PSMC1: variants seen among roughly 807,000 people sequenced by gnomAD.
PSMC1 encodes 26S proteasome regulatory subunit 4.
Under a neutral mutation model 49.8 loss-of-function variants are expected in PSMC1, and 5 were observed. The observed-to-expected ratio is 0.10, with a 90% CI of 0.05 to 0.21. PSMC1 has a LOEUF of 0.21. Among genes scored for constraint, PSMC1 ranks in the 10% least tolerant of loss-of-function variants. The pLI is 1.00. For synonymous variants in PSMC1, 155 were observed against 192.1 expected (o/e 0.81, Z 1.60); for missense variants, 181 against 535.7 (o/e 0.34, Z 6.54).
In PSMC1 at chr14:90,273,923, GA is replaced by G. The variant is rs1891732380; in HGVS notation, c.*1517del. On this transcript the variant is annotated 3_prime_UTR_variant, in exon 11 of 11. Transcript: ENST00000261303. ...CTTTTCTATTCTTATGGATCCTTGTGATTGCATTGGACCCATGCAGATGATC... is the reference window on the plus strand; with the variant it reads ...CTTTTCTATTCTTATGGATCCTTGTGTTGCATTGGACCCATGCAGATGATC... 6.5e-6 allele frequency: 1 copy of G among 154,836 alleles called. No homozygotes were observed. The highest frequency in any genetic ancestry group is 1.5e-5 in the Non-Finnish European group (1 of 68,226). 9.6% of individuals were successfully genotyped at this position (154,836 alleles called of 1,614,324 possible). A position where few individuals can be genotyped will look rare whatever the true frequency, so the allele number is the denominator to read the frequency against.
At chr14:90,269,986 G>A (rs1595046068) in intron 9 of PSMC1, 1 of 548,360 alleles carries the variant, frequency 1.8e-6, no homozygotes, top group Non-Finnish European at 3.2e-6. Flanking sequence ...AGGTACCAAA[G>A]CAGAGAGAGT....
intron 3 of PSMC1, among the ~76,000 whole-genome samples, chr14:90,262,674 T>C (rs7159306): frequency 0.55 from 83,181 of 151,258 alleles, 23,481 homozygotes; most frequent in Middle Eastern, 0.72. Context: ...ATTCCAACTA[T>C]TCGGGAGGCT....
At chr14:90,259,768 C>A (rs1226850872) in intron 2 of PSMC1, among the ~76,000 whole-genome samples, 3 of 151,962 alleles carry the variant, frequency 2.0e-5, no homozygotes, top group African/African-American at 4.8e-5. Flanking sequence ...ATTACAGGTG[C>A]CTGCCACCAC....
chr14:90,264,766 A>G (rs1211747174), intron 6 of PSMC1, among the ~76,000 whole-genome samples: 1 of 152,208 alleles, frequency 6.6e-6, no homozygotes, highest in Admixed American at 6.5e-5. Context: ...GTTTAATTGA[A>G]AAGGGTCAAC....
At chr14:90,265,563 C>A (rs1304447494) in intron 7 of PSMC1, among the ~76,000 whole-genome samples, 1 of 151,850 alleles carries the variant, frequency 6.6e-6, no homozygotes, top group East Asian at 1.9e-4. Context: ...GTGACGTGCG[C>A]CTGTAGTCCC....
chr14:90,274,407 CAG>C lies in PSMC1; in HGVS notation c.*2001_*2002del, dbSNP rs1365530208. 2 of 153,884 alleles carry C rather than the reference CAG, an allele frequency of 1.3e-5. No individual in the cohort carries two copies. Among genetic ancestry groups the C allele is most frequent in the Non-Finnish European group, 2.9e-5 (2 of 68,184 alleles). 9.5% of individuals were successfully genotyped at this position (153,884 alleles called of 1,614,324 possible). On this transcript the variant is annotated 3_prime_UTR_variant, in exon 11 of 11. Coordinates refer to ENST00000261303, the MANE Select transcript of PSMC1 (RefSeq NM_002802.3). Reference sequence around the variant, plus strand: ...GAGGCAGTCAGGCAGGTAAACAGGACAGTGGGAGCCAGGTTTCTCTGAGGAGT... The same window carrying C: ...GAGGCAGTCAGGCAGGTAAACAGGACTGGGAGCCAGGTTTCTCTGAGGAGT...
intron 1 of PSMC1, among the ~76,000 whole-genome samples, chr14:90,258,890 A>G (rs1891345392): frequency 6.6e-6 from 1 of 152,224 alleles, no homozygotes; most frequent in Non-Finnish European, 1.5e-5. Flanking sequence ...AGTTGTATCT[A>G]CTTCTCAATA....
Position 90,274,087 on chromosome 14 carries a change from G to C in PSMC1, c.*1680G>C, listed in dbSNP as rs1202573422. On this transcript the variant is annotated 3_prime_UTR_variant, in exon 11 of 11. Transcript: ENST00000261303. Reference sequence around the variant, plus strand: ...GGGCGCCACTCTGCCTACCACAGAGGACATCCACACGTGGGGGTGGCCCAG... The same window carrying C: ...GGGCGCCACTCTGCCTACCACAGAGCACATCCACACGTGGGGGTGGCCCAG... 1 of 154,860 alleles carries C rather than the reference G, an allele frequency of 6.5e-6. No homozygotes were observed. The highest frequency in any genetic ancestry group is 2.4e-5 in the African/African-American group (1 of 41,386). 9.6% of individuals were successfully genotyped at this position (154,860 alleles called of 1,614,324 possible).
chr14:90,260,000 A>G (rs1003137706), intron 2 of PSMC1, 115 bp from the exon 3 acceptor site: 8 of 605,944 alleles, frequency 1.3e-5, no homozygotes, highest in Non-Finnish European at 2.2e-5. Context: ...ATAACATCCT[A>G]AAAGATAAGG....
chr14:90,265,044 C>T (rs1386158027), intron 6 of PSMC1, 26 bp from the exon 7 acceptor site: 1 of 1,504,178 alleles, frequency 6.6e-7, no homozygotes, highest in African/African-American at 1.4e-5. Context: ...TTCAGTAAAG[C>T]CTTTCATTCA....
rs2064677132 is a variant in PSMC1, at chr14:90,270,292, T to C, written c.1128T>C (p.Asp376=). Residue 376 remains aspartate (D), a synonymous_variant, in exon 10 of 11, where the codon GAT becomes GAC. Coordinates refer to ENST00000261303, the MANE Select transcript of PSMC1 (RefSeq NM_002802.3). ...ACACAAGCAGGATGACGCTGGCTGA[T>C]GATGTAACCCTGGACGACCTGATCA... ...QIHTSRMTLA[D]DVTLDDLIMA... The C allele has an allele frequency of 6.2e-7, 1 of 1,613,786 alleles. No homozygotes were observed. The highest frequency in any genetic ancestry group is 8.5e-7 in the Non-Finnish European group (1 of 1,179,956).
chr14:90,264,133 T>C lies in PSMC1; in HGVS notation c.558T>C (p.Asp186=). Residue 186 remains aspartate (D), a synonymous_variant, in exon 6 of 11, where the codon GAT becomes GAC. Coordinates refer to ENST00000261303, the MANE Select transcript of PSMC1 (RefSeq NM_002802.3). ...AGGCCCCCCAGGAGACCTATGCAGA[T>C]ATTGGGGGGTTGGACAACCAAATTC... ...VEKAPQETYA[D]IGGLDNQIQE... 2 of 1,612,402 alleles carry C rather than the reference T, an allele frequency of 1.2e-6. No individual in the cohort carries two copies. The highest frequency in any genetic ancestry group is 1.7e-6 in the Non-Finnish European group (2 of 1,179,652).
At chr14:90,265,881 T>C (rs1248376815) in intron 7 of PSMC1, among the ~76,000 whole-genome samples, 2 of 151,006 alleles carry the variant, frequency 1.3e-5, no homozygotes, top group African/African-American at 4.9e-5. Flanking sequence ...AAAAAACTGA[T>C]GCCTGACCCT....
chr14:90,274,653 A>AATG lies in PSMC1; in HGVS notation c.*2249_*2251dup, dbSNP rs937976322. 2.0e-5 allele frequency: 3 copies of AATG among 152,130 alleles called. No homozygotes were observed. The highest frequency in any genetic ancestry group is 2.1e-4 in the South Asian group (1 of 4,816). The allele number at this position is 152,130 out of a possible 1,614,324, so 9.4% of individuals were successfully genotyped here. ...CCAGAAAGCAAGGGAGTGCTCAAGG[A>AATG]ATGATAAGGACATGTCCTAAGGACA... On this transcript the variant is annotated 3_prime_UTR_variant, in exon 11 of 11. Transcript: ENST00000261303.
At chr14:90,262,493 G>C (rs1047534081) in intron 3 of PSMC1, among the ~76,000 whole-genome samples, 2 of 152,142 alleles carry the variant, frequency 1.3e-5, no homozygotes, top group Admixed American at 6.5e-5. Context: ...AACCATAAGA[G>C]AAAAGGTTGA....
Position 90,272,656 on chromosome 14 carries a change from T to G in PSMC1, c.*249T>G. 2.9e-6 allele frequency: 1 copy of G among 340,506 alleles called. No homozygotes were observed. The highest frequency in any genetic ancestry group is 3.7e-5 in the South Asian group (1 of 26,986). 21.1% of individuals were successfully genotyped at this position (340,506 alleles called of 1,614,324 possible). The stretch of plus-strand genomic sequence containing the variant: ...TGTTTCTGCAGTCTCCACACACACC[T>G]ACCGCTCAACAGCAGCCTGTGGGTG... On this transcript the variant is annotated 3_prime_UTR_variant, in exon 11 of 11. Transcript: ENST00000261303. The surrounding 1 kb of genome is among the most constrained non-coding windows in gnomAD (Gnocchi z 4.5).
At chr14:90,265,263 A>G (rs1313714926) in intron 7 of PSMC1, 97 bp downstream of exon 7, 2 of 810,474 alleles carry the variant, frequency 2.5e-6, no homozygotes, top group African/African-American at 1.7e-5. Flanking sequence ...AGAGGACACC[A>G]CAATTCCTTA....
At chr14:90,259,316 A>G in intron 2 of PSMC1, 103 bp downstream of exon 2, 1 of 1,090,078 alleles carries the variant, frequency 9.2e-7, no homozygotes, top group Non-Finnish European at 1.4e-6. Flanking sequence ...AAAAAGTAGA[A>G]TGATCCAGTA....
chr14:90,269,779 C>T (rs1371295675), intron 9 of PSMC1: 5 of 438,222 alleles, frequency 1.1e-5, no homozygotes, highest in South Asian at 5.4e-5. Context: ...TTTTCTTTTC[C>T]ATAACATTCC....
Sources: gnomAD v4.1 joint callset for allele counts (sites outside exome capture counted in the v4.1 genomes callset) on GRCh38, gnomAD v4.1.1 for gene constraint, Gnocchi (gnomAD v3.1) non-coding constraint, MANE v1.5 for transcripts, NCBI Gene and HGNC (gene_info 2026-07-23, HGNC 2026-07-21) for gene names.